TMEFF1: variants seen among roughly 807,000 people sequenced by gnomAD.
TMEFF1 encodes the protein transmembrane protein with EGF like and two follistatin like domains 1, also known as tomoregulin-1.
A neutral mutation model predicts 47.5 loss-of-function variants in TMEFF1; 20 were observed. The ratio of observed to expected loss-of-function variants is 0.42; its 90% confidence interval spans 0.30 to 0.61. TMEFF1 has a LOEUF of 0.61. TMEFF1 is among the 20% of genes least tolerant of loss of function. The probability of loss-of-function intolerance (pLI) is 0.19; values close to 1 mark genes in which losing one functional copy is unlikely to be tolerated. For missense variants in TMEFF1, 411 were observed against 471.1 expected (o/e 0.87, Z 1.18); for synonymous variants, 162 against 166.3 (o/e 0.97, Z 0.20).
chr9:100,496,377 C>T (rs1346286333), intron 1 of TMEFF1, among the ~76,000 whole-genome samples: 1 of 152,158 alleles, frequency 6.6e-6, no homozygotes, highest in Non-Finnish European at 1.5e-5. Context: ...GTAGCTGGGA[C>T]TACAGGCATG....
At chr9:100,525,187 T>G (rs1234691746) in intron 5 of TMEFF1, among the ~76,000 whole-genome samples, 1 of 152,138 alleles carries the variant, frequency 6.6e-6, no homozygotes, top group Non-Finnish European at 1.5e-5. Context: ...ATTTTCCAAC[T>G]CTCTGACACT....
Position 100,509,115 on chromosome 9 carries a change from A to G in TMEFF1, c.417A>G (p.Ala139=). 6.3e-7 allele frequency: 1 copy of G among 1,579,014 alleles called. No individual in the cohort carries two copies. The highest frequency in any genetic ancestry group is 8.6e-7 in the Non-Finnish European group (1 of 1,166,006). ...CKHQKEITVI[A]RGPCYSDNGS... ...ACCAGAAAGAGATAACAGTAATAGCAAGAGGACCATGCTACTCTGGTATGT... is the reference window on the plus strand; with the variant it reads ...ACCAGAAAGAGATAACAGTAATAGCGAGAGGACCATGCTACTCTGGTATGT... The change falls in exon 3 of 10, where the codon GCA becomes GCG. Residue 139 remains alanine, a synonymous_variant. Coordinates refer to ENST00000374879, the MANE Select transcript of TMEFF1 (RefSeq NM_003692.5).
intron 3 of TMEFF1, among the ~76,000 whole-genome samples, chr9:100,509,903 T>C (rs927708832): frequency 3.3e-5 from 5 of 152,242 alleles, no homozygotes; most frequent in African/African-American, 1.2e-4. Context: ...CATCTTTTTT[T>C]TCCTTCCAGA....
chr9:100,513,366 CT>C, intron 4 of TMEFF1, 33 bp downstream of exon 4: 1 of 1,488,322 alleles, frequency 6.7e-7, no homozygotes, highest in Non-Finnish European at 8.9e-7. Context: ...AGGATATTTG[CT>C]TTTCTTTCTT....
intron 5 of TMEFF1, 89 bp from the exon 6 acceptor site, chr9:100,547,655 G>A: frequency 7.6e-7 from 1 of 1,315,436 alleles, no homozygotes; most frequent in South Asian, 2.5e-5. Context: ...GTTACAGAAA[G>A]CAGAAGAAAG....
chr9:100,492,482 T>C (rs1301178477), intron 1 of TMEFF1, among the ~76,000 whole-genome samples: 1 of 152,206 alleles, frequency 6.6e-6, no homozygotes, highest in Non-Finnish European at 1.5e-5. Context: ...CTCATGGATG[T>C]TCTAGAGAGG....
chr9:100,486,964 A>G (rs1837461762), intron 1 of TMEFF1, among the ~76,000 whole-genome samples: 1 of 152,118 alleles, frequency 6.6e-6, no homozygotes, highest in Non-Finnish European at 1.5e-5. Flanking sequence ...TTGCCTTGTC[A>G]GCTTTCATTT....
At chr9:100,575,562 A>G (rs749123436) in intron 9 of TMEFF1, among the ~76,000 whole-genome samples, 3 of 152,230 alleles carry the variant, frequency 2.0e-5, no homozygotes, top group African/African-American at 4.8e-5. Context: ...AACCATATAC[A>G]AAATGGAAGT....
intron 5 of TMEFF1, among the ~76,000 whole-genome samples, chr9:100,533,863 C>T (rs1023444554): frequency 3.9e-5 from 6 of 152,206 alleles, no homozygotes; most frequent in South Asian, 2.1e-4. Flanking sequence ...GGATTACAGG[C>T]GTGCACCACC....
In TMEFF1 at chr9:100,535,386, G is replaced by A. The variant is rs77877468; in HGVS notation, c.561-12358G>A. Reference sequence around the variant, plus strand: ...TAAAAATGTTTCCCATTCCTTGGGGGCATATTGAAAGGAAAGAAGCACTTC... The same window carrying A: ...TAAAAATGTTTCCCATTCCTTGGGGACATATTGAAAGGAAAGAAGCACTTC... On this transcript the variant is annotated intron_variant, in intron 5 of 9. Coordinates refer to ENST00000374879, the MANE Select transcript of TMEFF1 (RefSeq NM_003692.5). 9.3e-3 allele frequency among the ~76,000 whole-genome samples: 1,418 copies of A among 152,238 alleles called. 16 individuals carry two copies. Among genetic ancestry groups the A allele is most frequent in the African/African-American group, 0.032 (1,314 of 41,528 alleles).
intron 1 of TMEFF1, among the ~76,000 whole-genome samples, chr9:100,497,720 A>G (rs767929070): frequency 9.9e-5 from 15 of 152,140 alleles, no homozygotes; most frequent in Non-Finnish European, 1.9e-4. Flanking sequence ...ATCTAGAAAT[A>G]GAAAACAACC....
intron 7 of TMEFF1, among the ~76,000 whole-genome samples, chr9:100,560,184 G>C (rs146653613): frequency 1.2e-3 from 178 of 152,122 alleles, no homozygotes; most frequent in African/African-American, 4.1e-3. Context: ...GCCCTGTGAT[G>C]TTACATGATG....
At chr9:100,542,658 A>G (rs1838655598) in intron 5 of TMEFF1, among the ~76,000 whole-genome samples, 1 of 152,196 alleles carries the variant, frequency 6.6e-6, no homozygotes, top group Non-Finnish European at 1.5e-5. Flanking sequence ...CGCTGAAGGT[A>G]ATCTTTCTCT....
intron 5 of TMEFF1, among the ~76,000 whole-genome samples, chr9:100,540,133 G>A (rs1022937612): frequency 2.6e-5 from 4 of 151,338 alleles, no homozygotes; most frequent in East Asian, 1.9e-4. Flanking sequence ...GACACAGAGC[G>A]CTGATTGGCA....
chr9:100,483,637 T>A (rs1391444906), intron 1 of TMEFF1, among the ~76,000 whole-genome samples: 1 of 152,248 alleles, frequency 6.6e-6, no homozygotes, highest in Non-Finnish European at 1.5e-5. Flanking sequence ...TAACTATTAT[T>A]TTTACTTAAG....
chr9:100,548,664 T>C (rs1486956114), intron 6 of TMEFF1, among the ~76,000 whole-genome samples: 1 of 152,232 alleles, frequency 6.6e-6, no homozygotes, highest in Non-Finnish European at 1.5e-5. Context: ...TTTAGACTTA[T>C]TAAAGGGATA....
chr9:100,500,848 T>A (rs1837743016), intron 2 of TMEFF1, among the ~76,000 whole-genome samples: 1 of 152,196 alleles, frequency 6.6e-6, no homozygotes, highest in South Asian at 2.1e-4. Context: ...AAGATTATTG[T>A]TATTTTTGAA....
intron 7 of TMEFF1, among the ~76,000 whole-genome samples, chr9:100,558,274 C>T (rs1439906751): frequency 1.3e-5 from 2 of 152,032 alleles, no homozygotes; most frequent in African/African-American, 4.8e-5. Flanking sequence ...TACTAGGACT[C>T]TATCCTTATA....
intron 5 of TMEFF1, among the ~76,000 whole-genome samples, chr9:100,523,979 C>T (rs988411595): frequency 2.0e-5 from 3 of 152,064 alleles, no homozygotes; most frequent in Admixed American, 6.6e-5. Context: ...AAATTTAGTG[C>T]TGCCAATTCA....
Sources: allele counts gnomAD v4.1 joint callset (sites outside exome capture counted in the v4.1 genomes callset), GRCh38; gene constraint gnomAD v4.1.1; transcripts MANE v1.5; gene names NCBI Gene and HGNC (gene_info 2026-07-23, HGNC 2026-07-21).